The following PCDHGB2 variants were observed in gnomAD, a reference collection of about 807,000 sequenced individuals.
The protein encoded by PCDHGB2 is protocadherin gamma subfamily B, 2.
PCDHGB2 carries 55 observed loss-of-function variants against 59.3 expected under a neutral mutation model. The ratio of observed to expected loss-of-function variants is 0.93; its 90% CI spans 0.75 to 1.16. The LOEUF (loss-of-function observed/expected upper bound fraction) is 1.16. Among genes scored for constraint, PCDHGB2 ranks in the 50% most tolerant of loss-of-function variants. PCDHGB2 has a pLI of 0.00. For missense variants in PCDHGB2, 1,228 were observed against 1,198.5 expected (o/e 1.02, Z -0.36); for synonymous variants, 516 against 512.0 (o/e 1.01, Z -0.11).
intron 1 of PCDHGB2, among the ~76,000 whole-genome samples, chr5:141,465,343 TG>T (rs1048302340): frequency 1.5e-4 from 23 of 152,118 alleles, no homozygotes; most frequent in African/African-American, 5.3e-4. Flanking sequence ...TATTGGTTAC[TG>T]AAGAAAAAAT....
In PCDHGB2 at chr5:141,361,861, G is replaced by C. The variant is rs1429521367; in HGVS notation, c.1726G>C (p.Asp576His). The change falls in exon 1 of 4, where the codon GAT becomes CAT. Residue 576 changes from aspartate to histidine, a missense_variant. Transcript: ENST00000522605. ...ALGPDGSALF[D>H]MVPRAAEPGY... ...GGGGCCTGATGGCTCCGCCCTCTTC[G>C]ATATGGTGCCACGCGCCGCAGAGCC... 6.2e-7 allele frequency: 1 copy of C among 1,611,994 alleles called. No homozygotes were observed. Among genetic ancestry groups the C allele is most frequent in the Non-Finnish European group, 8.5e-7 (1 of 1,179,674 alleles).
At chr5:141,441,849 G>A (rs1192040398) in intron 1 of PCDHGB2, 2 of 345,448 alleles carry the variant, frequency 5.8e-6, no homozygotes, top group Non-Finnish European at 1.1e-5. Context: ...TCTTGGATAT[G>A]GTGCTGCACG....
Position 141,361,258 on chromosome 5 carries a change from G to A in PCDHGB2, c.1123G>A (p.Asp375Asn), listed in dbSNP as rs957502744. The A allele has an allele frequency of 5.6e-6, 9 of 1,613,960 alleles. No individual in the cohort carries two copies. The highest frequency in any genetic ancestry group is 1.1e-5 in the South Asian group (1 of 91,084). The change falls in exon 1 of 4, where the codon GAC becomes AAC. Residue 375 changes from aspartate (D) to asparagine (N), a missense_variant. Around this residue, in one of 3 missense-constraint regions of PCDHGB2, gnomAD observed 781 missense variants for 721.6 expected, o/e 1.08. Coordinates refer to ENST00000522605, the MANE Select transcript of PCDHGB2 (RefSeq NM_018923.3). Reference protein sequence around the residue: ...VIALIKTRDRDSGENGEVYCQ... With the variant: ...VIALIKTRDRNSGENGEVYCQ... ...CGCCTTGATAAAAACGAGAGACAGA[G>A]ACTCTGGAGAAAATGGAGAAGTTTA...
At chr5:141,454,774 G>A (rs1228452126) in intron 1 of PCDHGB2, among the ~76,000 whole-genome samples, 2 of 144,796 alleles carry the variant, frequency 1.4e-5, no homozygotes, top group African/African-American at 2.6e-5. Context: ...TTTTTACAAG[G>A]AAATAATCCT....
intron 1 of PCDHGB2, chr5:141,404,997 C>A (rs2154535986): frequency 6.2e-7 from 1 of 1,614,034 alleles, no homozygotes; most frequent in East Asian, 2.2e-5. Context: ...CAGATCCCTG[C>A]AGACCTGGAG....
intron 1 of PCDHGB2, chr5:141,384,769 G>A (rs778610936): frequency 6.2e-7 from 1 of 1,613,914 alleles, no homozygotes; most frequent in Non-Finnish European, 8.5e-7. Context: ...GCTGTACACG[G>A]GCGAGGTGCG....
chr5:141,382,171 G>A (rs1325332399), intron 1 of PCDHGB2, among the ~76,000 whole-genome samples: 3 of 151,984 alleles, frequency 2.0e-5, no homozygotes, highest in East Asian at 3.8e-4. Flanking sequence ...GTGTTAGACC[G>A]TCTCTAAGGT....
At chr5:141,409,122 T>G (rs1276365021) in intron 1 of PCDHGB2, 1 of 1,614,026 alleles carries the variant, frequency 6.2e-7, no homozygotes, top group South Asian at 1.1e-5. Context: ...AACCAGTCAT[T>G]TGATTTTGAA....
chr5:141,361,399 A>G lies in PCDHGB2; in HGVS notation c.1264A>G (p.Ile422Val). ...REEIPEYNLT[I>V]TATDGGKPPL... ...GGAGATCCCAGAATACAATCTCACC[A>G]TCACAGCCACCGACGGGGGCAAGCC... The change falls in exon 1 of 4, where the codon ATC becomes GTC. Residue 422 changes from isoleucine to valine, a missense_variant. By Grantham distance (29) the Ile-to-Val change is conservative. This residue lies in a region of PCDHGB2 where 781 missense variants were observed against 721.6 expected (regional missense o/e 1.08). Transcript: ENST00000522605. 1 of 1,613,982 alleles carries G rather than the reference A, an allele frequency of 6.2e-7. No individual in the cohort carries two copies. The highest frequency in any genetic ancestry group is 8.5e-7 in the Non-Finnish European group (1 of 1,179,902).
intron 3 of PCDHGB2, among the ~76,000 whole-genome samples, chr5:141,506,402 G>A (rs1032556978): frequency 2.8e-5 from 4 of 143,790 alleles, no homozygotes; most frequent in East Asian, 2.0e-4. Flanking sequence ...GCAGAAAATC[G>A]CACCACTGCA....
Position 141,432,028 on chromosome 5 carries a change from C to T in PCDHGB2, c.2422-62779C>T, listed in dbSNP as rs776543767. ...TTCCTAGCTACAACATCACAGTGAC[C>T]GCCACTGACCGGGGAACCCCGCCCC... On this transcript the variant is annotated intron_variant, in intron 1 of 3. Coordinates refer to ENST00000522605, the MANE Select transcript of PCDHGB2 (RefSeq NM_018923.3). The surrounding 1 kb of genome is among the most constrained non-coding windows in gnomAD (Gnocchi z 6.0). The T allele has an allele frequency of 1.1e-5, 18 of 1,614,050 alleles. No individual in the cohort carries two copies. The highest frequency in any genetic ancestry group is 9.9e-5 in the South Asian group (9 of 91,090).
At chr5:141,390,321 C>T (rs776100029) in intron 1 of PCDHGB2, 13 of 1,606,964 alleles carry the variant, frequency 8.1e-6, no homozygotes, top group Admixed American at 1.7e-5. Context: ...TCATTGCCTA[C>T]CCATTTCTCC....
At chr5:141,441,680 C>T in intron 1 of PCDHGB2, 1 of 295,840 alleles carries the variant, frequency 3.4e-6, no homozygotes, top group South Asian at 2.8e-5. Context: ...GCGCCTTCGA[C>T]CAAGAGCAGC....
Position 141,381,340 on chromosome 5 carries a change from T to C in PCDHGB2, c.2421+18784T>C, listed in dbSNP as rs1777123842. 2.0e-5 allele frequency among the ~76,000 whole-genome samples: 3 copies of C among 152,250 alleles called. No homozygotes were observed. The South Asian group carries it at 6.2e-4, about 31-fold the overall frequency. On this transcript the variant is annotated intron_variant, in intron 1 of 3. Transcript: ENST00000522605. ...CTGCAACTATGTGAAAGGAGCTTTC[T>C]TTTCTTTCTGCTAGCAGAGGGTAGC...
intron 1 of PCDHGB2, chr5:141,386,063 G>A (rs2090447648): frequency 6.6e-6 from 1 of 152,220 alleles, no homozygotes; most frequent in South Asian, 2.1e-4. Flanking sequence ...GAGAATTCCA[G>A]TATGTTGTTT....
rs777487681 is a variant in PCDHGB2, at chr5:141,432,809, T to C, written c.2422-61998T>C. 2.5e-6 allele frequency: 4 copies of C among 1,613,280 alleles called. No individual in the cohort carries two copies. In the African/African-American group the frequency reaches 5.4e-5, roughly 22 times the overall value. The stretch of plus-strand genomic sequence containing the variant: ...CGGCAGCCTCGAGTCTCCAGCTAAC[T>C]CTGAAACCTCAGACCTCACTCTGTA... On this transcript the variant is annotated intron_variant, in intron 1 of 3. Coordinates refer to ENST00000522605, the MANE Select transcript of PCDHGB2 (RefSeq NM_018923.3). The surrounding 1 kb of genome is among the most constrained non-coding windows in gnomAD (Gnocchi z 6.0).
intron 1 of PCDHGB2, chr5:141,479,290 T>C (rs1045200175): frequency 1.3e-5 from 2 of 152,438 alleles, no homozygotes; most frequent in Non-Finnish European, 2.9e-5. Flanking sequence ...AAAATAAATC[T>C]AGGCAACCCA....
chr5:141,400,501 G>A lies in PCDHGB2; in HGVS notation c.2421+37945G>A, dbSNP rs574905149. 3.4e-5 allele frequency: 55 copies of A among 1,613,996 alleles called. 1 individual carries two copies. The East Asian group carries it at 1.1e-3, about 33-fold the overall frequency. On this transcript the variant is annotated intron_variant, in intron 1 of 3. Coordinates refer to ENST00000522605, the MANE Select transcript of PCDHGB2 (RefSeq NM_018923.3). ...CTTATTTCCACTTTGTAATTCCAGC[G>A]AGTCGACTTCCCATCCTGAGTTGGT... is the stretch of plus-strand genomic sequence containing the variant.
intron 1 of PCDHGB2, among the ~76,000 whole-genome samples, chr5:141,386,783 C>A (rs1254282500): frequency 6.6e-6 from 1 of 152,150 alleles, no homozygotes; most frequent in Non-Finnish European, 1.5e-5. Context: ...AAAAGAAAAT[C>A]TCCTGACCAA....
Sources: gnomAD v4.1 joint callset for allele counts (sites outside exome capture counted in the v4.1 genomes callset) on GRCh38, gnomAD v4.1.1 for gene constraint, gnomAD v4.1.1 regional missense constraint, Gnocchi (gnomAD v3.1) non-coding constraint, MANE v1.5 for transcripts, NCBI Gene and HGNC (gene_info 2026-07-23, HGNC 2026-07-21) for gene names.